Variants in CECR2 observed in about 807,000 individuals in gnomAD.
The protein encoded by CECR2 is chromatin remodeling regulator CECR2.
Under a neutral mutation model 154.5 loss-of-function variants are expected in CECR2, and 30 were observed. The observed-to-expected ratio is 0.19, with a 90% CI of 0.15 to 0.26. CECR2 has a LOEUF of 0.26. CECR2 is among the 10% of genes least tolerant of loss of function. The pLI is 1.00. For missense variants in CECR2, 1,743 were observed against 1,829.3 expected (o/e 0.95, Z 0.86); for synonymous variants, 725 against 683.7 (o/e 1.06, Z -0.94).
chr22:17,375,694 G>A (rs1417583952), intron 1 of CECR2, among the ~76,000 whole-genome samples: 1 of 151,968 alleles, frequency 6.6e-6, no homozygotes, highest in Non-Finnish European at 1.5e-5. Flanking sequence ...GGTGGCTCAC[G>A]CCTGTAATCC....
rs1491166897 is a variant in CECR2, at chr22:17,549,783, G to GTTTTTTTTTTT, written c.4277+219_4277+220insTTTTTTTTTTT. On this transcript the variant is annotated intron_variant, in intron 17 of 18. Coordinates refer to ENST00000262608, the MANE Select transcript of CECR2 (RefSeq NM_001290047.2). ...TGCCACCACACCCAGCTAACTTTTTGGTTTTTTTTTTTTTTTTTTTTTGGT... is the reference window on the plus strand; with the variant it reads ...TGCCACCACACCCAGCTAACTTTTTGTTTTTTTTTTTGTTTTTTTTTTTTTTTTTTTTTGGT... Among the ~76,000 whole-genome samples, 11 of 88,856 alleles carry GTTTTTTTTTTT rather than the reference G, an allele frequency of 1.2e-4. 4 individuals carry two copies. The highest frequency in any genetic ancestry group is 1.3e-4 in the Non-Finnish European group (6 of 46,544). 58.3% of individuals were successfully genotyped at this position (88,856 alleles called of 152,430 possible).
Position 17,424,675 on chromosome 22 carries a change from C to T in CECR2, c.127-52913C>T, listed in dbSNP as rs117381349. ...AAATGGAAGGCGATGTCTGAGTGCT[C>T]ATCGTCCCCCTGTGGAAATGCACCT... On this transcript the variant is annotated intron_variant, in intron 1 of 18. Transcript: ENST00000262608. 5.0e-3 allele frequency: 807 copies of T among 162,328 alleles called. 17 individuals are homozygous for T. In the East Asian group the frequency reaches 0.092, roughly 18 times the overall value. The allele number at this position is 162,328 out of a possible 1,614,324, so 10.1% of individuals were successfully genotyped here.
At chr22:17,404,364 C>CTTTTTTTTTT (rs1209598318) in intron 1 of CECR2, among the ~76,000 whole-genome samples, 935 of 59,526 alleles carry the variant, frequency 0.016, 192 homozygotes, top group Non-Finnish European at 0.023. Flanking sequence ...GGACCCTGTT[C>CTTTTTTTTTT]TTTCTTTTTT....
chr22:17,414,231 C>T (rs1601316427), intron 1 of CECR2, among the ~76,000 whole-genome samples: 1 of 152,190 alleles, frequency 6.6e-6, no homozygotes, highest in Non-Finnish European at 1.5e-5. Flanking sequence ...CTTGGCCTCC[C>T]AAAGTGCTGG....
intron 1 of CECR2, among the ~76,000 whole-genome samples, chr22:17,464,555 A>G (rs552550911): frequency 1.3e-5 from 2 of 152,256 alleles, no homozygotes; most frequent in South Asian, 4.1e-4. Context: ...ACTGGAGTAC[A>G]GCGGCATGCT....
At chr22:17,534,241 C>T (rs1177306875) in intron 9 of CECR2, among the ~76,000 whole-genome samples, 4 of 151,942 alleles carry the variant, frequency 2.6e-5, no homozygotes, top group Non-Finnish European at 4.4e-5. Flanking sequence ...TGGGAGGATC[C>T]GTTATGCACA....
Position 17,552,774 on chromosome 22 carries a change from G to GTTTTT in CECR2, c.4390-52_4390-48dup, listed in dbSNP as rs695569. The GTTTTT allele has an allele frequency of 3.7e-3, 3,511 of 940,696 alleles. 54 individuals carry two copies. Among genetic ancestry groups the GTTTTT allele is most frequent in the South Asian group, 5.7e-3 (352 of 61,622 alleles). The allele number at this position is 940,696 out of a possible 1,614,324, so 58.3% of individuals were successfully genotyped here. On this transcript the variant is annotated intron_variant, in intron 18 of 18. Transcript: ENST00000262608. ...CTTGGACATTCTTTGGCTTACTTAA[G>GTTTTT]TTTTTTTTTTTTTAACAACCCAATT...
At position 17,429,347 on chromosome 22, in the gene CECR2, A is replaced by G. The variant is rs138598083; in HGVS notation, c.127-48241A>G. Among the ~76,000 whole-genome samples the G allele has an allele frequency of 8.7e-3, 1,317 of 152,216 alleles. 17 individuals carry two copies. Among genetic ancestry groups the G allele is most frequent in the African/African-American group, 0.03 (1,235 of 41,502 alleles). On this transcript the variant is annotated intron_variant, in intron 1 of 18. Coordinates refer to ENST00000262608, the MANE Select transcript of CECR2 (RefSeq NM_001290047.2). ...AGAATAGGTATTTTGGATATGAATGACATGTGACATAGTAAGATAAAAGAC... is the reference window on the plus strand; with the variant it reads ...AGAATAGGTATTTTGGATATGAATGGCATGTGACATAGTAAGATAAAAGAC...
chr22:17,482,149 G>A, intron 2 of CECR2, among the ~76,000 whole-genome samples: 1 of 139,622 alleles, frequency 7.2e-6, no homozygotes. Flanking sequence ...AAAGGGCGTG[G>A]CATGGTGACT....
In CECR2 at chr22:17,538,987, G is replaced by A. The variant is rs748427962; in HGVS notation, c.1369-6G>A. Reference sequence around the variant, plus strand: ...TTAACTATAAAGAGTTATGTGTCTCGTTTAGGCCCCCATGGATATTTCCAG... The same window carrying A: ...TTAACTATAAAGAGTTATGTGTCTCATTTAGGCCCCCATGGATATTTCCAG... On this transcript the variant is annotated splice_region_variant and splice_polypyrimidine_tract_variant and intron_variant, in intron 12 of 18. Transcript: ENST00000262608. 11 of 1,612,840 alleles carry A rather than the reference G, an allele frequency of 6.8e-6. No individual in the cohort carries two copies. The highest frequency in any genetic ancestry group is 1.3e-5 in the African/African-American group (1 of 74,978).
rs1448853816 is a variant in CECR2, at chr22:17,499,563, T to C, written c.545+14T>C. The C allele has an allele frequency of 1.9e-6, 3 of 1,593,310 alleles. No individual in the cohort carries two copies. Among genetic ancestry groups the C allele is most frequent in the Admixed American group, 1.8e-5 (1 of 55,432 alleles). On this transcript the variant is annotated intron_variant, in intron 4 of 18. Transcript: ENST00000262608. ...CTCTTTGAGCAGGTATGTTCTTCAG[T>C]GTTAGGGCATGATAGCTACTGTATT...
intron 1 of CECR2, among the ~76,000 whole-genome samples, chr22:17,428,826 G>GTGTGTGTGTGTATATATA (rs369291932): frequency 1.1e-4 from 16 of 150,594 alleles, no homozygotes; most frequent in African/African-American, 3.9e-4. Context: ...GTGTGTGTGT[G>GTGTGTGTGTGTATATATA]TATATAAAGG....
chr22:17,549,312 TGCTGCAGACGGG>T lies in CECR2; in HGVS notation c.4028_4039del (p.Leu1343_Gly1346del). On this transcript the variant is annotated inframe_deletion, in exon 17 of 19. Coordinates refer to ENST00000262608, the MANE Select transcript of CECR2 (RefSeq NM_001290047.2). ...TCTGCATTTCCACCCCACAGTGTGA[TGCTGCAGACGGG>T]GCCTCCCTATACCCCTCAGCGGCCG... 6.2e-7 allele frequency: 1 copy of T among 1,614,010 alleles called. No individual in the cohort carries two copies. Among genetic ancestry groups the T allele is most frequent in the Non-Finnish European group, 8.5e-7 (1 of 1,179,890 alleles).
chr22:17,368,687 T>C (rs2063018326), upstream of CECR2, among the ~76,000 whole-genome samples: 1 of 152,094 alleles, frequency 6.6e-6, no homozygotes, highest in Non-Finnish European at 1.5e-5. Flanking sequence ...TCCAAGCACA[T>C]TGTGCTCACT....
chr22:17,492,463 C>T (rs1214527077), intron 2 of CECR2, among the ~76,000 whole-genome samples: 2 of 152,206 alleles, frequency 1.3e-5, no homozygotes, highest in Non-Finnish European at 2.9e-5. Context: ...GCAGTAGAAG[C>T]ATGTTCTGTC....
intron 1 of CECR2, among the ~76,000 whole-genome samples, chr22:17,412,735 G>A (rs947787334): frequency 1.3e-5 from 2 of 152,090 alleles, no homozygotes; most frequent in Non-Finnish European, 2.9e-5. Flanking sequence ...GTCTCCATCC[G>A]CCTTGTATTG....
At chr22:17,532,701 T>A (rs1601526523) in intron 9 of CECR2, among the ~76,000 whole-genome samples, 2 of 20,366 alleles carry the variant, frequency 9.8e-5, no homozygotes, top group Admixed American at 7.4e-4. Context: ...ATTATTATTC[T>A]TTTTTTTTTT....
intron 1 of CECR2, among the ~76,000 whole-genome samples, chr22:17,435,181 C>T (rs937363217): frequency 4.0e-5 from 6 of 151,382 alleles, no homozygotes; most frequent in Non-Finnish European, 7.4e-5. Context: ...GTGTAAGCTC[C>T]TCCAAAGTTT....
intron 1 of CECR2, among the ~76,000 whole-genome samples, chr22:17,402,734 C>CT (rs1295261861): frequency 1.4e-5 from 2 of 147,084 alleles, no homozygotes; most frequent in Non-Finnish European, 3.0e-5. Flanking sequence ...CTTTTCTTTT[C>CT]TTTCTTTCTT....
Sources: allele counts gnomAD v4.1 joint callset (sites outside exome capture counted in the v4.1 genomes callset), GRCh38; gene constraint gnomAD v4.1.1; transcripts MANE v1.5; gene names NCBI Gene and HGNC (gene_info 2026-07-23, HGNC 2026-07-21).